The following RAB42 variants were observed in gnomAD, a reference collection of about 807,000 sequenced individuals.
RAB42 encodes the protein RAB42, member RAS oncogene family.
A neutral mutation model predicts 7.5 loss-of-function variants in RAB42; 4 were observed. The ratio of observed to expected loss-of-function variants is 0.53; its 90% CI spans 0.26 to 1.22. The LOEUF (loss-of-function observed/expected upper bound fraction) is 1.22, where lower values mean the gene tolerates loss of function less well. Ranked by LOEUF, RAB42 falls within the 50% of genes most tolerant of loss-of-function variation. The pLI, the probability that RAB42 is intolerant of heterozygous loss-of-function variation, is 0.13. For synonymous variants in RAB42, 82 were observed against 129.0 expected (o/e 0.64, Z 2.47); for missense variants, 208 against 281.2 (o/e 0.74, Z 1.86).
intron 1 of RAB42, among the ~76,000 whole-genome samples, chr1:28,593,150 G>T: frequency 6.6e-6 from 1 of 152,070 alleles, no homozygotes; most frequent in Non-Finnish European, 1.5e-5. Flanking sequence ...CCTTCTCCAA[G>T]AATGAGGGAT....
rs1161408325 is a variant in RAB42, at chr1:28,592,426, G to C, written c.-86G>C. The stretch of plus-strand genomic sequence containing the variant: ...TACGGTGGCTGGGCGCGGGGAGCGG[G>C]GGGCGGCGCCGGCGGGGCCCCGGGC... On this transcript the variant is annotated 5_prime_UTR_variant, in exon 1 of 2. Coordinates refer to ENST00000465518, the MANE Select transcript of RAB42 (RefSeq NM_001193532.3). This position sits in a 1 kb window ranked among gnomAD's most constrained non-coding sequence, Gnocchi z 4.1. 1.2e-5 allele frequency: 7 copies of C among 581,660 alleles called. No homozygotes were observed. The highest frequency in any genetic ancestry group is 1.6e-5 in the Non-Finnish European group (7 of 435,286). The allele number at this position is 581,660 out of a possible 1,614,324, so 36.0% of individuals were successfully genotyped here.
In RAB42 at chr1:28,594,339, C is replaced by T; in HGVS notation, c.*222C>T. 1 of 531,938 alleles carries T rather than the reference C, an allele frequency of 1.9e-6. No homozygotes were observed. The allele number at this position is 531,938 out of a possible 1,614,324, so 33.0% of individuals were successfully genotyped here. On this transcript the variant is annotated 3_prime_UTR_variant, in exon 2 of 2. Transcript: ENST00000465518. The stretch of plus-strand genomic sequence containing the variant: ...CCTGTAATCCTAGCATTTTTGGAGG[C>T]CAAGGACAGTGGATCACCTGAGGTC...
At chr1:28,596,345 G>C (rs145353514), downstream of RAB42, among the ~76,000 whole-genome samples, 1,023 of 152,252 alleles carry the variant, frequency 6.7e-3, 10 homozygotes, top group African/African-American at 0.023. Context: ...TTTTTGGCTG[G>C]ATGTGGTGGC....
downstream of RAB42, among the ~76,000 whole-genome samples, chr1:28,596,430 G>C (rs1482218304): frequency 6.6e-6 from 1 of 152,054 alleles, no homozygotes; most frequent in Non-Finnish European, 1.5e-5. Context: ...AGACCAGCCT[G>C]GCCAACATTG....
In RAB42 at chr1:28,592,563, G is replaced by A. The variant is rs2124265560; in HGVS notation, c.52G>A (p.Ala18Thr). ...YQFRVALLGD[A>T]AVGKTSLLRS... ...ATTTCGGGTCGCGCTGCTGGGGGAC[G>A]CGGCGGTGGGCAAGACGTCGCTGCT... The change falls in exon 1 of 2, where the codon GCG becomes ACG. Residue 18 changes from alanine (A) to threonine (T), a missense_variant. Coordinates refer to ENST00000465518, the MANE Select transcript of RAB42 (RefSeq NM_001193532.3). The surrounding 1 kb of genome is among the most constrained non-coding windows in gnomAD (Gnocchi z 4.1). 2.5e-6 allele frequency: 3 copies of A among 1,217,062 alleles called. No homozygotes were observed. The highest frequency in any genetic ancestry group is 3.1e-6 in the Non-Finnish European group (3 of 978,410). The allele number at this position is 1,217,062 out of a possible 1,614,324, so 75.4% of individuals were successfully genotyped here. A position where few individuals can be genotyped will look rare whatever the true frequency, so the allele number is the denominator to read the frequency against.
At position 28,594,052 on chromosome 1, in the gene RAB42, A is replaced by G; in HGVS notation, c.592A>G (p.Ile198Val). 6.2e-7 allele frequency: 1 copy of G among 1,613,378 alleles called. No homozygotes were observed. The highest frequency in any genetic ancestry group is 8.5e-7 in the Non-Finnish European group (1 of 1,179,512). The change falls in exon 2 of 2, where the codon ATC (isoleucine) becomes GTC (valine). Residue 198 changes from isoleucine to valine, a missense_variant. Ile to Val is a conservative substitution (Grantham distance 29). Transcript: ENST00000465518. Reference protein sequence around the residue: ...LEEGWGGVRLIHKTQIPRSPS... With the variant: ...LEEGWGGVRLVHKTQIPRSPS... Reference sequence around the variant, plus strand: ...AGAGGGCTGGGGGGGTGTCCGGCTCATCCACAAGACCCAAATCCCCAGGTC... The same window carrying G: ...AGAGGGCTGGGGGGGTGTCCGGCTCGTCCACAAGACCCAAATCCCCAGGTC...
At chr1:28,593,596 C>T in intron 1 of RAB42, 98 bp from the exon 2 acceptor site, 1 of 1,289,590 alleles carries the variant, frequency 7.8e-7, no homozygotes, top group Non-Finnish European at 1.0e-6. Flanking sequence ...GGGTGTGAGG[C>T]ATTCTGTGGA....
chr1:28,593,555 A>G, intron 1 of RAB42, 139 bp from the exon 2 acceptor site: 1 of 981,556 alleles, frequency 1.0e-6, no homozygotes, highest in Admixed American at 2.9e-5. Context: ...GAGGCAGAGA[A>G]CCACGGGGCC....
Position 28,592,675 on chromosome 1 carries a change from C to T in RAB42, c.164C>T (p.Ala55Val), listed in dbSNP as rs1666343112. The stretch of plus-strand genomic sequence containing the variant: ...GTGGGCGCCGAGTGCTACCGCCGCG[C>T]GCTGCAGCTGCGGGCCGGGCCGCGG... ...PTVGAECYRR[A>V]LQLRAGPRVK... Residue 55 changes from alanine (A) to valine (V), a missense_variant, in exon 1 of 2, where the codon GCG becomes GTG. Coordinates refer to ENST00000465518, the MANE Select transcript of RAB42 (RefSeq NM_001193532.3). This position sits in a 1 kb window ranked among gnomAD's most constrained non-coding sequence, Gnocchi z 4.1. The T allele has an allele frequency of 8.1e-7, 1 of 1,229,014 alleles. No individual in the cohort carries two copies. The highest frequency in any genetic ancestry group is 3.2e-5 in the East Asian group (1 of 31,514). 76.1% of individuals were successfully genotyped at this position (1,229,014 alleles called of 1,614,324 possible).
Position 28,592,456 on chromosome 1 carries a change from G to GCGGGGT in RAB42, c.-50_-45dup, listed in dbSNP as rs1448671990. On this transcript the variant is annotated 5_prime_UTR_variant, in exon 1 of 2. Coordinates refer to ENST00000465518, the MANE Select transcript of RAB42 (RefSeq NM_001193532.3). The surrounding 1 kb of genome is among the most constrained non-coding windows in gnomAD (Gnocchi z 4.1). ...GGCGCCGGCGGGGCCCCGGGCAGGGGCGGGGTCGGGGCGCGGACAAAACCG... is the reference window on the plus strand; with the variant it reads ...GGCGCCGGCGGGGCCCCGGGCAGGGGCGGGGTCGGGGTCGGGGCGCGGACAAAACCG... 3.2e-6 allele frequency: 3 copies of GCGGGGT among 948,418 alleles called. No homozygotes were observed. In the African/African-American group the frequency reaches 5.2e-5, roughly 17 times the overall value. The allele number at this position is 948,418 out of a possible 1,614,324, so 58.8% of individuals were successfully genotyped here.
At position 28,592,467 on chromosome 1, in the gene RAB42, G is replaced by T; in HGVS notation, c.-45G>T. The stretch of plus-strand genomic sequence containing the variant: ...GGCCCCGGGCAGGGGCGGGGTCGGG[G>T]CGCGGACAAAACCGCCGCGGGGCGG... On this transcript the variant is annotated 5_prime_UTR_variant, in exon 1 of 2. Coordinates refer to ENST00000465518, the MANE Select transcript of RAB42 (RefSeq NM_001193532.3). This position sits in a 1 kb window ranked among gnomAD's most constrained non-coding sequence, Gnocchi z 4.1. 1 of 1,052,806 alleles carries T rather than the reference G, an allele frequency of 9.5e-7. No individual in the cohort carries two copies. The highest frequency in any genetic ancestry group is 1.2e-6 in the Non-Finnish European group (1 of 840,882). 65.2% of individuals were successfully genotyped at this position (1,052,806 alleles called of 1,614,324 possible). A position where few individuals can be genotyped will look rare whatever the true frequency, so the allele number is the denominator to read the frequency against.
chr1:28,593,628 C>A (rs1666368239), intron 1 of RAB42, 66 bp from the exon 2 acceptor site: 2 of 1,456,886 alleles, frequency 1.4e-6, no homozygotes, highest in Admixed American at 2.3e-5. Context: ...GGAGGTCCTG[C>A]CTCTGGGGGT....
rs1173707476 is a variant in RAB42 at position 28,592,917 on chromosome 1, T to C, written c.233+173T>C. On this transcript the variant is annotated intron_variant, in intron 1 of 1. Transcript: ENST00000465518. The surrounding 1 kb of genome is among the most constrained non-coding windows in gnomAD (Gnocchi z 4.1). ...AACCTCCCCTGCTCGGAGTCATTTT[T>C]CCCACGAACACTGCGGGGTGGGTCG... is the stretch of plus-strand genomic sequence containing the variant. Among the ~76,000 whole-genome samples, 1 of 151,984 alleles carries C rather than the reference T, an allele frequency of 6.6e-6. No homozygotes were observed. The highest frequency in any genetic ancestry group is 1.5e-5 in the Non-Finnish European group (1 of 67,994).
intron 1 of RAB42, among the ~76,000 whole-genome samples, chr1:28,593,184 T>A (rs985534180): frequency 2.0e-5 from 3 of 151,568 alleles, no homozygotes; most frequent in Non-Finnish European, 2.9e-5. Context: ...GCTCCCTAAC[T>A]GGAGCACCCA....
Position 28,593,677 on chromosome 1 carries a change from C to T in RAB42, c.234-17C>T, listed in dbSNP as rs1338807090. ...CAGCCTCTCCCAGCTTACCTTTCCACCTCCCTGCCTCCCCAGGTGCATCAC... is the reference window on the plus strand; with the variant it reads ...CAGCCTCTCCCAGCTTACCTTTCCATCTCCCTGCCTCCCCAGGTGCATCAC... On this transcript the variant is annotated splice_polypyrimidine_tract_variant and intron_variant, in intron 1 of 1. Coordinates refer to ENST00000465518, the MANE Select transcript of RAB42 (RefSeq NM_001193532.3). The T allele has an allele frequency of 2.0e-6, 3 of 1,521,734 alleles. No individual in the cohort carries two copies. The highest frequency in any genetic ancestry group is 2.7e-6 in the Non-Finnish European group (3 of 1,129,986). 94.3% of individuals were successfully genotyped at this position (1,521,734 alleles called of 1,614,324 possible).
Position 28,592,491 on chromosome 1 carries a change from G to T in RAB42, c.-21G>T. On this transcript the variant is annotated 5_prime_UTR_variant, in exon 1 of 2. Transcript: ENST00000465518. The surrounding 1 kb of genome is among the most constrained non-coding windows in gnomAD (Gnocchi z 4.1). ...GGCGCGGACAAAACCGCCGCGGGGC[G>T]GCGGGGTGGCGGACGCGGCCATGGA... The T allele has an allele frequency of 8.5e-7, 1 of 1,176,070 alleles. No individual in the cohort carries two copies. The highest frequency in any genetic ancestry group is 3.5e-5 in the East Asian group (1 of 28,188). The allele number at this position is 1,176,070 out of a possible 1,614,324, so 72.9% of individuals were successfully genotyped here.
Position 28,594,313 on chromosome 1 carries a change from G to A in RAB42, c.*196G>A, listed in dbSNP as rs1279687210. The A allele has an allele frequency of 5.9e-5, 36 of 605,342 alleles. No individual in the cohort carries two copies. The Admixed American group carries it at 8.0e-4, about 13-fold the overall frequency. 37.5% of individuals were successfully genotyped at this position (605,342 alleles called of 1,614,324 possible). ...CTGATGGCCAGGCATGGTGGCTCAC[G>A]CCTGTAATCCTAGCATTTTTGGAGG... is the stretch of plus-strand genomic sequence containing the variant. On this transcript the variant is annotated 3_prime_UTR_variant, in exon 2 of 2. Coordinates refer to ENST00000465518, the MANE Select transcript of RAB42 (RefSeq NM_001193532.3).
In RAB42 at chr1:28,594,044, T is replaced by C; in HGVS notation, c.584T>C (p.Val195Ala). Reference protein sequence around the residue: ...DIKLEEGWGGVRLIHKTQIPR... With the variant: ...DIKLEEGWGGARLIHKTQIPR... ...AAGCTAGAAGAGGGCTGGGGGGGTG[T>C]CCGGCTCATCCACAAGACCCAAATC... is the stretch of plus-strand genomic sequence containing the variant. The change falls in exon 2 of 2, where the codon GTC becomes GCC. Residue 195 changes from valine to alanine, a missense_variant. Val to Ala is a moderately conservative substitution (Grantham distance 64). Transcript: ENST00000465518. 1 of 1,613,420 alleles carries C rather than the reference T, an allele frequency of 6.2e-7. No homozygotes were observed.
In RAB42 at chr1:28,593,587, G is replaced by A. The variant is rs556985641; in HGVS notation, c.234-107G>A. 29 of 1,209,080 alleles carry A rather than the reference G, an allele frequency of 2.4e-5. 1 individual carries two copies. In the South Asian group the frequency reaches 3.4e-4, roughly 14 times the overall value. 74.9% of individuals were successfully genotyped at this position (1,209,080 alleles called of 1,614,324 possible). The stretch of plus-strand genomic sequence containing the variant: ...GGCCGTGTGAAGTGAGCCCTGTTGG[G>A]GTGTGAGGCATTCTGTGGATCCCAG... On this transcript the variant is annotated intron_variant, in intron 1 of 1. Coordinates refer to ENST00000465518, the MANE Select transcript of RAB42 (RefSeq NM_001193532.3).
Sources: gnomAD v4.1 joint callset for allele counts (sites outside exome capture counted in the v4.1 genomes callset) on GRCh38, gnomAD v4.1.1 for gene constraint, Gnocchi (gnomAD v3.1) non-coding constraint, MANE v1.5 for transcripts, NCBI Gene and HGNC (gene_info 2026-07-23, HGNC 2026-07-21) for gene names.